FARS2: variants seen among roughly 807,000 people sequenced by gnomAD.
FARS2 encodes the protein phenylalanine--tRNA ligase, mitochondrial.
Under a neutral mutation model 46.4 loss-of-function variants are expected in FARS2, and 40 were observed. The ratio of observed to expected loss-of-function variants is 0.86; its 90% CI spans 0.67 to 1.12. FARS2 has a LOEUF of 1.12. Ranked by LOEUF, FARS2 falls within the 50% of genes most tolerant of loss-of-function variation. The pLI is 0.00. For missense variants in FARS2, 513 were observed against 567.9 expected, an observed-to-expected ratio of 0.90 and a Z score of 0.98; for synonymous variants, 234 against 214.9, an observed-to-expected ratio of 1.09 and a Z score of -0.78.
At chr6:5,260,742 G>T, upstream of FARS2, 20 of 1,519,714 alleles carry the variant, frequency 1.3e-5, no homozygotes, top group East Asian at 7.6e-5. Flanking sequence ...ATTTTGGAAA[G>T]AAAAAAAAAT....
intron 1 of FARS2, among the ~76,000 whole-genome samples, chr6:5,275,049 C>T (rs17140032): frequency 0.02 from 3,060 of 152,264 alleles, 89 homozygotes; most frequent in African/African-American, 0.07. Flanking sequence ...AATAGAACTT[C>T]CCCGCTTCAG....
chr6:5,310,438 A>G (rs747959750), intron 1 of FARS2, among the ~76,000 whole-genome samples: 3 of 152,022 alleles, frequency 2.0e-5, no homozygotes, highest in Non-Finnish European at 4.4e-5. Context: ...CAGTCAAAAG[A>G]TCAGCCACAA....
At chr6:5,750,767 T>C (rs1277695837) in intron 6 of FARS2, among the ~76,000 whole-genome samples, 4 of 152,116 alleles carry the variant, frequency 2.6e-5, no homozygotes, top group African/African-American at 9.7e-5. Context: ...CGTTTCTTGG[T>C]GGCTTCTTAT....
intron 6 of FARS2, among the ~76,000 whole-genome samples, chr6:5,723,334 G>C (rs1449351403): frequency 6.6e-6 from 1 of 152,168 alleles, no homozygotes; most frequent in Non-Finnish European, 1.5e-5. Flanking sequence ...TTCAACCCTA[G>C]TTATTGCAAA....
intron 6 of FARS2, among the ~76,000 whole-genome samples, chr6:5,749,414 A>G (rs1439110388): frequency 5.3e-5 from 8 of 152,218 alleles, no homozygotes; most frequent in Non-Finnish European, 1.0e-4. Context: ...GACCAGAAAC[A>G]GAGACCCTGC....
intron 6 of FARS2, among the ~76,000 whole-genome samples, chr6:5,703,518 C>G (rs1009584053): frequency 6.6e-6 from 1 of 152,182 alleles, no homozygotes; most frequent in Non-Finnish European, 1.5e-5. Context: ...AGCAGATATA[C>G]ATTTTATCCC....
chr6:5,394,397 G>A (rs1262469808), intron 2 of FARS2, among the ~76,000 whole-genome samples: 2 of 152,116 alleles, frequency 1.3e-5, no homozygotes, highest in African/African-American at 2.4e-5. Flanking sequence ...AGGCACAATA[G>A]GCTATACTTC....
intron 4 of FARS2, among the ~76,000 whole-genome samples, chr6:5,533,222 T>G (rs376107080): frequency 6.6e-6 from 1 of 152,214 alleles, no homozygotes; most frequent in Admixed American, 6.5e-5. Context: ...GAATATTCAC[T>G]TGTTTCTGTT....
Position 5,390,169 on chromosome 6 carries a change from T to C in FARS2, c.613-14373T>C, listed in dbSNP as rs1041630700. On this transcript the variant is annotated intron_variant, in intron 2 of 6. Transcript: ENST00000274680. ...ATGAGCCACTGCACCCAGCCTCTACTACAGTTTTTTTGTTCCAGTACTTAC... is the reference window on the plus strand; with the variant it reads ...ATGAGCCACTGCACCCAGCCTCTACCACAGTTTTTTTGTTCCAGTACTTAC... Among the ~76,000 whole-genome samples the C allele has an allele frequency of 3.9e-5, 6 of 152,192 alleles. No individual in the cohort carries two copies. The East Asian group carries it at 1.2e-3, about 29-fold the overall frequency.
chr6:5,765,630 A>T lies in FARS2; in HGVS notation c.1218-5661A>T, dbSNP rs1215528703. ...GGGAGAAATTATGCACTGAAGAGCA[A>T]ATCTCGGGAGAACATGAGGTTCCAC... On this transcript the variant is annotated intron_variant, in intron 6 of 6. Transcript: ENST00000274680. The surrounding 1 kb of genome is among the most constrained non-coding windows in gnomAD (Gnocchi z 4.0). Among the ~76,000 whole-genome samples, 1 of 152,158 alleles carries T rather than the reference A, an allele frequency of 6.6e-6. No individual in the cohort carries two copies. Among genetic ancestry groups the T allele is most frequent in the East Asian group, 1.9e-4 (1 of 5,182 alleles).
At chr6:5,487,773 G>A (rs1287454076) in intron 4 of FARS2, among the ~76,000 whole-genome samples, 1 of 152,174 alleles carries the variant, frequency 6.6e-6, no homozygotes, top group African/African-American at 2.4e-5. Context: ...CTGCTCCAAA[G>A]ACCTTTGGTC....
intron 4 of FARS2, among the ~76,000 whole-genome samples, chr6:5,437,814 T>G (rs558279699): frequency 6.6e-6 from 1 of 152,244 alleles, no homozygotes; most frequent in South Asian, 2.1e-4. Flanking sequence ...GTAGTTTTCT[T>G]TTATATTTAC....
At chr6:5,350,129 T>C (rs1350106874) in intron 1 of FARS2, among the ~76,000 whole-genome samples, 3 of 151,998 alleles carry the variant, frequency 2.0e-5, no homozygotes, top group Non-Finnish European at 4.4e-5. Flanking sequence ...TCTTTCTTTC[T>C]TGCCTGGGAC....
At chr6:5,738,250 A>G (rs1166984609) in intron 6 of FARS2, among the ~76,000 whole-genome samples, 1 of 152,192 alleles carries the variant, frequency 6.6e-6, no homozygotes, top group Non-Finnish European at 1.5e-5. Context: ...ACACCCAGCT[A>G]CTTCTAGAAT....
chr6:5,432,389 C>T (rs1464947806), intron 4 of FARS2, among the ~76,000 whole-genome samples: 2,332 of 113,780 alleles, frequency 0.02, 43 homozygotes, highest in South Asian at 0.065. Context: ...ATATATTATA[C>T]ATTATATATA....
rs548025891 is a variant in FARS2 at position 5,720,826 on chromosome 6, T to TG, written c.1218-50464dup. Among the ~76,000 whole-genome samples the TG allele has an allele frequency of 1.2e-4, 19 of 152,306 alleles. No homozygotes were observed. In the East Asian group the frequency reaches 3.3e-3, roughly 26 times the overall value. The stretch of plus-strand genomic sequence containing the variant: ...CTTTGGGAGGTGGAGGCAGAAGGAT[T>TG]GCTTGAGGATAGGAGTTCAAGACCA... On this transcript the variant is annotated intron_variant, in intron 6 of 6. Coordinates refer to ENST00000274680, the MANE Select transcript of FARS2 (RefSeq NM_006567.5).
intron 1 of FARS2, among the ~76,000 whole-genome samples, chr6:5,356,957 C>T (rs1200968082): frequency 7.5e-5 from 11 of 146,716 alleles, no homozygotes; most frequent in Admixed American, 2.7e-4. Flanking sequence ...TTTTTTTAAA[C>T]GGGAATTTTA....
chr6:5,600,658 A>G (rs896563924), intron 5 of FARS2, among the ~76,000 whole-genome samples: 1 of 152,238 alleles, frequency 6.6e-6, no homozygotes, highest in Non-Finnish European at 1.5e-5. Context: ...CTGATTTTTA[A>G]GTGAATTTAG....
chr6:5,378,727 T>C (rs953172433), intron 2 of FARS2, among the ~76,000 whole-genome samples: 3 of 152,230 alleles, frequency 2.0e-5, no homozygotes, highest in Non-Finnish European at 4.4e-5. Context: ...TAATCTCTTC[T>C]TTAAAATATT....
Sources: allele counts gnomAD v4.1 joint callset (sites outside exome capture counted in the v4.1 genomes callset), GRCh38; gene constraint gnomAD v4.1.1; non-coding constraint Gnocchi (gnomAD v3.1); transcripts MANE v1.5; gene names NCBI Gene and HGNC (gene_info 2026-07-23, HGNC 2026-07-21).